Variants in HNRNPM observed in about 807,000 individuals in gnomAD.
The protein encoded by HNRNPM is CEA receptor.
A neutral mutation model predicts 73.1 loss-of-function variants in HNRNPM; 11 were observed. The ratio of observed to expected loss-of-function variants is 0.15; its 90% CI spans 0.09 to 0.25. The LOEUF (loss-of-function observed/expected upper bound fraction) is 0.25, where lower values mean the gene tolerates loss of function less well. Ranked by LOEUF, HNRNPM falls within the 10% of genes least tolerant of loss-of-function variation. HNRNPM has a pLI of 1.00. For synonymous variants in HNRNPM, 407 were observed against 355.2 expected (o/e 1.15, Z -1.64); for missense variants, 789 against 1,067.9 (o/e 0.74, Z 3.64).
intron 1 of HNRNPM, among the ~76,000 whole-genome samples, chr19:8,447,005 T>C (rs1274065216): frequency 6.6e-6 from 1 of 152,346 alleles, no homozygotes; most frequent in South Asian, 2.1e-4. Context: ...GAAGGAGTGC[T>C]GGTAGAACCT....
intron 2 of HNRNPM, 151 bp downstream of exon 2, chr19:8,455,725 GTT>G (rs375350473): frequency 1.6e-4 from 65 of 412,700 alleles, no homozygotes; most frequent in South Asian, 4.3e-4. Context: ...CCCCACCTCA[GTT>G]TTTTTTTTTT....
chr19:8,458,635 T>A (rs1453270464), intron 2 of HNRNPM, among the ~76,000 whole-genome samples: 1 of 152,266 alleles, frequency 6.6e-6, no homozygotes, highest in African/African-American at 2.4e-5. Context: ...GGATGTAGTT[T>A]ACCCTCAGTC....
intron 12 of HNRNPM, among the ~76,000 whole-genome samples, chr19:8,476,769 G>T (rs1453915197): frequency 1.3e-5 from 2 of 152,188 alleles, no homozygotes; most frequent in Non-Finnish European, 2.9e-5. Context: ...CTTGTCTGGA[G>T]TGGGGTGCTG....
intron 10 of HNRNPM, among the ~76,000 whole-genome samples, chr19:8,472,920 T>C (rs1365742980): frequency 2.6e-5 from 4 of 152,216 alleles, no homozygotes; most frequent in Admixed American, 6.5e-5. Flanking sequence ...TTCTGTTCCC[T>C]AAAATTTTCT....
intron 1 of HNRNPM, among the ~76,000 whole-genome samples, chr19:8,454,094 G>GT (rs1468766687): frequency 5.3e-5 from 8 of 152,068 alleles, no homozygotes; most frequent in Non-Finnish European, 1.2e-4. Context: ...TTAAAAAGTG[G>GT]TTAAAATATA....
chr19:8,485,117 C>T (rs1040369526), intron 13 of HNRNPM, among the ~76,000 whole-genome samples: 3 of 151,864 alleles, frequency 2.0e-5, no homozygotes, highest in Non-Finnish European at 2.9e-5. Context: ...GCCAGAGTGG[C>T]CCCCAGCAGA....
intron 12 of HNRNPM, among the ~76,000 whole-genome samples, chr19:8,474,714 C>CTT (rs59543782): frequency 1.1e-4 from 13 of 117,868 alleles, no homozygotes; most frequent in African/African-American, 3.7e-4. Flanking sequence ...CCTCCACCAA[C>CTT]TTTTTTTTTT....
chr19:8,464,774 CAG>C (rs1271792343), intron 5 of HNRNPM, among the ~76,000 whole-genome samples: 11 of 152,074 alleles, frequency 7.2e-5, no homozygotes, highest in African/African-American at 2.4e-4. Context: ...ATTGACAGGA[CAG>C]AGAGTTGAAG....
chr19:8,479,137 G>A (rs1200190343), intron 12 of HNRNPM, among the ~76,000 whole-genome samples: 1 of 140,284 alleles, frequency 7.1e-6, no homozygotes, highest in East Asian at 2.1e-4. Flanking sequence ...CCAGGCTGGA[G>A]TGCAATGGTG....
chr19:8,466,098 A>G, intron 6 of HNRNPM, 137 bp from the exon 7 acceptor site: 1 of 781,180 alleles, frequency 1.3e-6, no homozygotes, highest in South Asian at 1.8e-5. Context: ...TAAAATTTCC[A>G]TTGCAGTTGA....
intron 1 of HNRNPM, among the ~76,000 whole-genome samples, chr19:8,448,406 T>C (rs1968362101): frequency 6.6e-6 from 1 of 152,108 alleles, no homozygotes; most frequent in Non-Finnish European, 1.5e-5. Context: ...GTATAGGTTT[T>C]TAAAATTTTT....
chr19:8,483,011 TC>T (rs1971027613), intron 12 of HNRNPM, 146 bp from the exon 13 acceptor site: 7 of 611,148 alleles, frequency 1.1e-5, no homozygotes, highest in Non-Finnish European at 2.0e-5. Flanking sequence ...TGTAAAATGA[TC>T]TTGTCTGTGC....
intron 1 of HNRNPM, among the ~76,000 whole-genome samples, chr19:8,448,304 T>G (rs190013011): frequency 6.6e-6 from 1 of 152,150 alleles, no homozygotes; most frequent in East Asian, 1.9e-4. Flanking sequence ...TAGGATTTGC[T>G]TAATTTTGAT....
chr19:8,479,460 C>T (rs1361991149), intron 12 of HNRNPM, among the ~76,000 whole-genome samples: 2 of 152,046 alleles, frequency 1.3e-5, no homozygotes, highest in South Asian at 2.1e-4. Flanking sequence ...CATCCTTCAG[C>T]TCATCAGAGG....
intron 12 of HNRNPM, among the ~76,000 whole-genome samples, chr19:8,478,843 C>T (rs1970692552): frequency 6.6e-6 from 1 of 152,140 alleles, no homozygotes; most frequent in African/African-American, 2.4e-5. Flanking sequence ...TTTCAAAGCC[C>T]TGCTAATTGG....
At position 8,471,379 on chromosome 19, in the gene HNRNPM, G is replaced by A. The variant is rs769249095; in HGVS notation, c.949G>A (p.Ala317Thr). The A allele has an allele frequency of 1.9e-6, 3 of 1,608,982 alleles. No individual in the cohort carries two copies. Among genetic ancestry groups the A allele is most frequent in the Non-Finnish European group, 2.5e-6 (3 of 1,177,718 alleles). The change falls in exon 10 of 16, where the codon GCC becomes ACC. Residue 317 changes from alanine (A) to threonine (T), a missense_variant. Physicochemically the swap from Ala to Thr is moderately conservative, Grantham distance 58 (BLOSUM62 0). This residue lies in a region of HNRNPM where 604 missense variants were observed against 744.0 expected (regional missense o/e 0.81). Transcript: ENST00000325495. ...AGGACCAGGAGGGCAACCCATTGATGCCAATCACCTGAATAAAGGCATCGG... is the reference window on the plus strand; with the variant it reads ...AGGACCAGGAGGGCAACCCATTGATACCAATCACCTGAATAAAGGCATCGG... ...GLGPGGQPID[A>T]NHLNKGIGMG... is the part of the protein sequence containing the mutation.
At position 8,485,715 on chromosome 19, in the gene HNRNPM, C is replaced by G; in HGVS notation, c.1287C>G (p.Arg429=). 1 of 1,606,966 alleles carries G rather than the reference C, an allele frequency of 6.2e-7. No homozygotes were observed. Among genetic ancestry groups the G allele is most frequent in the Non-Finnish European group, 8.5e-7 (1 of 1,179,662 alleles). Residue 429 remains arginine, a synonymous_variant, in exon 14 of 16, where the codon CGC becomes CGG. Coordinates refer to ENST00000325495, the MANE Select transcript of HNRNPM (RefSeq NM_005968.5). ...CGGGCCTGGGCCACGGCATGGATCG[C>G]GTGGGCTCCGAGATCGAGCGCATGG... ...MGAGLGHGMD[R]VGSEIERMGL...
chr19:8,464,443 G>C (rs1161897274), intron 5 of HNRNPM, among the ~76,000 whole-genome samples: 1 of 152,090 alleles, frequency 6.6e-6, no homozygotes, highest in Non-Finnish European at 1.5e-5. Flanking sequence ...AGACCAGCTT[G>C]ACCAACATGG....
rs1971515304 is a variant in HNRNPM at position 8,488,984 on chromosome 19, T to C, written c.*130T>C. ...CAGTTGCTTTTTGGGGTAATTTGAA[T>C]TACTTTTTTAATGACTGGGGTTCCA... On this transcript the variant is annotated 3_prime_UTR_variant, in exon 16 of 16. Transcript: ENST00000325495. The C allele has an allele frequency of 4.8e-6, 4 of 834,870 alleles. No homozygotes were observed. Among genetic ancestry groups the C allele is most frequent in the Non-Finnish European group, 7.3e-6 (4 of 547,022 alleles). 51.7% of individuals were successfully genotyped at this position (834,870 alleles called of 1,614,324 possible). A position where few individuals can be genotyped will look rare whatever the true frequency, so the allele number is the denominator to read the frequency against.
Sources: allele counts gnomAD v4.1 joint callset (sites outside exome capture counted in the v4.1 genomes callset), GRCh38; gene constraint gnomAD v4.1.1; regional missense constraint gnomAD v4.1.1; transcripts MANE v1.5; gene names NCBI Gene and HGNC (gene_info 2026-07-23, HGNC 2026-07-21).